The following GPC3 variants were observed in gnomAD, a reference collection of about 807,000 sequenced individuals.
GPC3 encodes glypican 3, also known as glypican-3.
Under a neutral mutation model 34.4 loss-of-function variants are expected in GPC3, and 3 were observed. That is an observed-to-expected ratio of 0.09 (90% confidence interval 0.04 to 0.23). The LOEUF is 0.23. GPC3 is among the 10% of genes least tolerant of loss of function. The pLI is 1.00. For synonymous variants in GPC3, 177 were observed against 174.0 expected (o/e 1.02, Z -0.13); for missense variants, 351 against 445.6 (o/e 0.79, Z 1.91).
At chrX:133,788,088 T>TTATATATATATATATATA (rs56318773) in intron 2 of GPC3, among the ~76,000 whole-genome samples, 91 of 64,877 alleles carry the variant, frequency 1.4e-3, no homozygotes, top group South Asian at 3.2e-3. Flanking sequence ...TCATATTATT[T>TTATATATATATATATATA]TATATATATA....
At chrX:133,896,103 T>C (rs1361496421) in intron 2 of GPC3, among the ~76,000 whole-genome samples, 1 of 111,992 alleles carries the variant, frequency 8.9e-6, no homozygotes, top group Non-Finnish European at 1.9e-5. Flanking sequence ...GGCTCACTCC[T>C]GTAATCCCAG....
chrX:133,918,456 A>T (rs1334412884), intron 2 of GPC3, among the ~76,000 whole-genome samples: 1 of 112,429 alleles, frequency 8.9e-6, no homozygotes, highest in Non-Finnish European at 1.9e-5. Context: ...TTATCGTTAC[A>T]TCTTATTGCA....
intron 2 of GPC3, among the ~76,000 whole-genome samples, chrX:133,810,939 A>T (rs765708485): frequency 2.9e-4 from 32 of 109,709 alleles, no homozygotes; most frequent in African/African-American, 9.6e-4. Flanking sequence ...TTACTGGTTC[A>T]GTCTCCGTTT....
intron 6 of GPC3, among the ~76,000 whole-genome samples, chrX:133,636,488 G>A (rs775799177): frequency 2.7e-5 from 3 of 112,037 alleles, no homozygotes; most frequent in East Asian, 2.8e-4. Flanking sequence ...CCAACATGGC[G>A]AAACCCTGTC....
intron 2 of GPC3, among the ~76,000 whole-genome samples, chrX:133,809,310 CT>C (rs1442093512): frequency 2.7e-5 from 3 of 112,095 alleles, no homozygotes; most frequent in African/African-American, 9.7e-5. Context: ...AAATTCATAA[CT>C]TGTTAAGCCA....
intron 1 of GPC3, among the ~76,000 whole-genome samples, chrX:133,964,074 C>A (rs1158343873): frequency 1.8e-5 from 2 of 111,600 alleles, no homozygotes; most frequent in Non-Finnish European, 3.8e-5. Context: ...ACAGTTGTCA[C>A]TGGTATGCTC....
chrX:133,689,141 T>A (rs2071037533), intron 5 of GPC3, among the ~76,000 whole-genome samples: 1 of 111,087 alleles, frequency 9.0e-6, no homozygotes, highest in Non-Finnish European at 1.9e-5. Flanking sequence ...CTTACCTCCC[T>A]TCTTTCCTTT....
chrX:133,791,607 A>G (rs907169422), intron 2 of GPC3, among the ~76,000 whole-genome samples: 6 of 110,609 alleles, frequency 5.4e-5, no homozygotes, highest in African/African-American at 2.0e-4. Context: ...TCCTACTTCT[A>G]CTATCAAAGA....
intron 2 of GPC3, among the ~76,000 whole-genome samples, chrX:133,944,944 G>C (rs191743216): frequency 2.7e-5 from 3 of 111,582 alleles, no homozygotes; most frequent in African/African-American, 9.8e-5. Context: ...TTGGGACTTA[G>C]ACACCAGTCT....
At chrX:133,906,952 T>A (rs1325507495) in intron 2 of GPC3, among the ~76,000 whole-genome samples, 2 of 109,943 alleles carry the variant, frequency 1.8e-5, no homozygotes. Context: ...TACAAAAAAA[T>A]TAGCTGGGCG....
intron 3 of GPC3, among the ~76,000 whole-genome samples, chrX:133,730,167 C>A (rs1284287948): frequency 9.0e-6 from 1 of 111,321 alleles, no homozygotes; most frequent in Non-Finnish European, 1.9e-5. Flanking sequence ...GGCTGAGAGA[C>A]CAAACCTAGA....
chrX:133,636,857 A>G (rs1162243473), intron 6 of GPC3, among the ~76,000 whole-genome samples: 1 of 110,779 alleles, frequency 9.0e-6, no homozygotes, highest in Non-Finnish European at 1.9e-5. Context: ...CACTATTCAG[A>G]TGGCAGGCTC....
At chrX:133,578,027 C>G (rs113229755) in intron 7 of GPC3, among the ~76,000 whole-genome samples, 7,025 of 111,990 alleles carry the variant, frequency 0.063, 568 homozygotes, top group African/African-American at 0.22. Flanking sequence ...CACACCACAG[C>G]GTTGCTGGGA....
intron 2 of GPC3, among the ~76,000 whole-genome samples, chrX:133,772,863 T>G (rs979418601): frequency 3.6e-5 from 4 of 110,925 alleles, no homozygotes; most frequent in African/African-American, 1.3e-4. Context: ...CAGAAACAAC[T>G]TCCTCAAAGC....
intron 3 of GPC3, among the ~76,000 whole-genome samples, chrX:133,730,676 A>G (rs2071453962): frequency 8.9e-6 from 1 of 111,965 alleles, no homozygotes; most frequent in Non-Finnish European, 1.9e-5. Context: ...GATTTCTAGG[A>G]ATCCTACAAT....
At chrX:133,693,893 G>T (rs1043745210) in intron 4 of GPC3, among the ~76,000 whole-genome samples, 1 of 111,072 alleles carries the variant, frequency 9.0e-6, no homozygotes, top group Admixed American at 9.6e-5. Context: ...AGCCTGGGTT[G>T]GTTCTCCAGG....
chrX:133,549,822 TCTCC>T (rs915849351), intron 7 of GPC3, among the ~76,000 whole-genome samples: 3 of 90,742 alleles, frequency 3.3e-5, no homozygotes, highest in African/African-American at 4.1e-5. Flanking sequence ...CCTCCCTCTC[TCTCC>T]CTCCCTCCCT....
At chrX:133,715,301 A>G (rs191940525) in intron 3 of GPC3, among the ~76,000 whole-genome samples, 12 of 112,202 alleles carry the variant, frequency 1.1e-4, no homozygotes, top group Non-Finnish European at 1.9e-4. Context: ...GCCTTTGGCC[A>G]CAGACTGAAG....
chrX:133,541,446 A>G (rs2069342373), intron 7 of GPC3, among the ~76,000 whole-genome samples: 1 of 111,827 alleles, frequency 8.9e-6, no homozygotes, highest in Non-Finnish European at 1.9e-5. Flanking sequence ...AAATGCACAT[A>G]AATTGTTTCT....
Sources: allele counts gnomAD v4.1 joint callset (sites outside exome capture counted in the v4.1 genomes callset), GRCh38; gene constraint gnomAD v4.1.1; transcripts MANE v1.5; gene names NCBI Gene and HGNC (gene_info 2026-07-23, HGNC 2026-07-21).